Variants in POU2F2 observed in about 807,000 individuals in gnomAD.
POU2F2 encodes the protein POU class 2 homeobox 2.
Under a neutral mutation model 63.5 loss-of-function variants are expected in POU2F2, and 14 were observed. That is an observed-to-expected ratio of 0.22 (90% CI 0.15 to 0.34). The LOEUF is 0.34. Ranked by LOEUF, POU2F2 falls within the 10% of genes least tolerant of loss-of-function variation. The pLI is 1.00. For missense variants in POU2F2, 607 were observed against 815.2 expected, an observed-to-expected ratio of 0.74 and a Z score of 3.11; for synonymous variants, 306 against 348.6, an observed-to-expected ratio of 0.88 and a Z score of 1.36.
upstream of POU2F2, chr19:42,132,491 A>G: frequency 7.5e-7 from 1 of 1,340,714 alleles, no homozygotes; most frequent in Non-Finnish European, 9.8e-7. Context: ...CCCTGCCGGA[A>G]GTCACTCAGG....
chr19:42,130,844 C>T (rs532743074), intron 1 of POU2F2, among the ~76,000 whole-genome samples: 1 of 151,608 alleles, frequency 6.6e-6, no homozygotes, highest in African/African-American at 2.4e-5. Context: ...CTACGATCCC[C>T]TAATACCTCC....
chr19:42,145,883 G>A (rs1042609782), intron 2 of POU2F2, among the ~76,000 whole-genome samples: 1 of 151,982 alleles, frequency 6.6e-6, no homozygotes, highest in African/African-American at 2.4e-5. Context: ...GCAGTGAGCT[G>A]AGATTGCGCC....
chr19:42,170,416 T>C (rs1599709717), intron 1 of POU2F2, among the ~76,000 whole-genome samples: 1 of 141,898 alleles, frequency 7.0e-6, no homozygotes. Context: ...ACCCCAACCT[T>C]CAACCCAACG....
At chr19:42,167,389 G>A (rs925212955) in intron 1 of POU2F2, among the ~76,000 whole-genome samples, 5 of 152,022 alleles carry the variant, frequency 3.3e-5, no homozygotes, top group East Asian at 1.9e-4. Context: ...CAGAGGCAGA[G>A]GTTGCAGTGG....
At chr19:42,165,910 G>A (rs1300910464) in intron 1 of POU2F2, among the ~76,000 whole-genome samples, 1 of 152,222 alleles carries the variant, frequency 6.6e-6, no homozygotes, top group African/African-American at 2.4e-5. Flanking sequence ...ATGAACAAAT[G>A]CAATGAAGAC....
Position 42,099,544 on chromosome 19 carries a change from C to A in POU2F2, c.550G>T (p.Ala184Ser). 1 of 1,613,538 alleles carries A rather than the reference C, an allele frequency of 6.2e-7. No homozygotes were observed. Among genetic ancestry groups the A allele is most frequent in the Non-Finnish European group, 8.5e-7 (1 of 1,179,454 alleles). ...AGTCTCACCTGTGTGGGAAGCCCGG[C>A]CCGGGGCTGGGAGGTCAGAAGAGCT... ...QGALLTSQPR[A>S]GLPTQAVTRP... The change falls in exon 7 of 15, where the codon GCC becomes TCC. Residue 184 changes from alanine (A) to serine (S), a missense_variant. Transcript: ENST00000692977.
rs2076632325 is a variant in POU2F2, at chr19:42,088,981, G to A, written c.*2276C>T. 6.6e-6 allele frequency: 1 copy of A among 152,608 alleles called. No individual in the cohort carries two copies. Among genetic ancestry groups the A allele is most frequent in the Non-Finnish European group, 1.5e-5 (1 of 68,060 alleles). The allele number at this position is 152,608 out of a possible 1,614,324, so 9.5% of individuals were successfully genotyped here. ...AGACAAGGAAAAAAGAGAACGCTGAGGCCTGGAGCTCCATCTGCCTCTCCT... is the reference window on the plus strand; with the variant it reads ...AGACAAGGAAAAAAGAGAACGCTGAAGCCTGGAGCTCCATCTGCCTCTCCT... On this transcript the variant is annotated 3_prime_UTR_variant, in exon 15 of 15. Transcript: ENST00000692977.
At chr19:42,186,198 G>A (rs184966355) in intron 1 of POU2F2, among the ~76,000 whole-genome samples, 3 of 152,054 alleles carry the variant, frequency 2.0e-5, no homozygotes, top group East Asian at 3.9e-4. Context: ...GGTGGCGGGC[G>A]TCTGTAGTCC....
rs574693743 is a variant in POU2F2, at chr19:42,153,155, C to G, written c.-9+7177G>C. ...TGCGGCTTCGGACAGGAGGTTCCAGCGAGAGGTCTGTGGTGTGCGAGCTGC... is the reference window on the plus strand; with the variant it reads ...TGCGGCTTCGGACAGGAGGTTCCAGGGAGAGGTCTGTGGTGTGCGAGCTGC... On this transcript the variant is annotated intron_variant, in intron 2 of 6. Transcript: ENST00000524801. The surrounding 1 kb of genome is among the most constrained non-coding windows in gnomAD (Gnocchi z 5.6). Among the ~76,000 whole-genome samples, 2 of 152,142 alleles carry G rather than the reference C, an allele frequency of 1.3e-5. No individual in the cohort carries two copies. The highest frequency in any genetic ancestry group is 2.9e-5 in the Non-Finnish European group (2 of 68,014).
At chr19:42,172,113 A>G (rs2034782125) in intron 1 of POU2F2, among the ~76,000 whole-genome samples, 1 of 151,742 alleles carries the variant, frequency 6.6e-6, no homozygotes, top group Non-Finnish European at 1.5e-5. Flanking sequence ...CTTTCTCCTC[A>G]CTTTCCTCTG....
At chr19:42,139,000 T>G (rs927992317) in intron 2 of POU2F2, among the ~76,000 whole-genome samples, 5 of 152,142 alleles carry the variant, frequency 3.3e-5, no homozygotes, top group African/African-American at 1.2e-4. Flanking sequence ...AGAAGCACTG[T>G]GATGTGGCTC....
intron 1 of POU2F2, among the ~76,000 whole-genome samples, chr19:42,170,980 C>T (rs1176313240): frequency 3.3e-5 from 5 of 152,390 alleles, no homozygotes; most frequent in Non-Finnish European, 5.9e-5. Context: ...GGCCATTAGT[C>T]GGCTCCTGCC....
intron 1 of POU2F2, among the ~76,000 whole-genome samples, chr19:42,166,695 C>T (rs1000960304): frequency 2.6e-5 from 4 of 151,828 alleles, no homozygotes; most frequent in African/African-American, 7.3e-5. Context: ...AGGGGAGGGT[C>T]GTGAGGGAGA....
chr19:42,188,374 A>T (rs1208395906), intron 1 of POU2F2, among the ~76,000 whole-genome samples: 2 of 151,736 alleles, frequency 1.3e-5, no homozygotes, highest in Non-Finnish European at 2.9e-5. Context: ...TCCAAAAAAA[A>T]AAAAAGAAAA....
rs559570338 is a variant in POU2F2, at chr19:42,153,664, T to C, written c.-9+6668A>G. Among the ~76,000 whole-genome samples, 1 of 152,206 alleles carries C rather than the reference T, an allele frequency of 6.6e-6. No homozygotes were observed. Among genetic ancestry groups the C allele is most frequent in the East Asian group, 1.9e-4 (1 of 5,174 alleles). On this transcript the variant is annotated intron_variant, in intron 2 of 6. Transcript: ENST00000524801. This position sits in a 1 kb window ranked among gnomAD's most constrained non-coding sequence, Gnocchi z 5.6. ...AGAGTCCATGCGGTTTCTCTGTGTG[T>C]CTATGTGATGCTGTGTGTCCCTGTG...
rs1345479820 is a variant in POU2F2, at chr19:42,122,518, C to T, written c.87G>A (p.Glu29=). The T allele has an allele frequency of 6.2e-7, 1 of 1,610,598 alleles. No homozygotes were observed. The highest frequency in any genetic ancestry group is 1.1e-5 in the South Asian group (1 of 90,786). Residue 29 remains glutamate, a synonymous_variant, in exon 2 of 15, where the codon GAG becomes GAA. Transcript: ENST00000692977. Reference sequence around the variant, plus strand: ...TGCTCCCTGCCCACCCACCTGTGTGCTCTGATGGGGAGTCCAGACCTTGCT... The same window carrying T: ...TGCTCCCTGCCCACCCACCTGTGTGTTCTGATGGGGAGTCCAGACCTTGCT... ...AEKQGLDSPS[E]HTDTERNGPD...
intron 1 of POU2F2, among the ~76,000 whole-genome samples, chr19:42,185,035 T>G (rs1049480879): frequency 6.6e-6 from 1 of 152,100 alleles, no homozygotes; most frequent in African/African-American, 2.4e-5. Flanking sequence ...GTCAGAAAAA[T>G]TGTCCCTGTC....
intron 1 of POU2F2, among the ~76,000 whole-genome samples, chr19:42,195,328 T>TGC (rs1307524347): frequency 0.013 from 1,995 of 148,492 alleles, 75 homozygotes; most frequent in African/African-American, 0.047. Context: ...CTCCCTCTTT[T>TGC]TCTTTTTTTT....
upstream of POU2F2, among the ~76,000 whole-genome samples, chr19:42,196,876 T>G (rs562676466): frequency 1.6e-4 from 25 of 152,294 alleles, no homozygotes; most frequent in Non-Finnish European, 3.5e-4. Context: ...AAGCACGTGC[T>G]GGCCAGAGGC....
Sources: gnomAD v4.1 joint callset for allele counts (sites outside exome capture counted in the v4.1 genomes callset) on GRCh38, gnomAD v4.1.1 for gene constraint, Gnocchi (gnomAD v3.1) non-coding constraint, MANE v1.5 for transcripts, NCBI Gene and HGNC (gene_info 2026-07-23, HGNC 2026-07-21) for gene names.